PTPRM: variants seen among roughly 807,000 people sequenced by gnomAD.
The protein encoded by PTPRM is receptor-type tyrosine-protein phosphatase mu.
In PTPRM, 47 loss-of-function variants were observed where a neutral mutation model predicts 186.7. The ratio of observed to expected loss-of-function variants is 0.25; its 90% CI spans 0.20 to 0.32. The LOEUF (loss-of-function observed/expected upper bound fraction) is 0.32. Ranked by LOEUF, PTPRM falls within the 10% of genes least tolerant of loss-of-function variation. The pLI is 1.00. For missense variants in PTPRM, 1,494 were observed against 1,865.0 expected (o/e 0.80, Z 3.66); for synonymous variants, 668 against 674.9 (o/e 0.99, Z 0.16).
chr18:8,348,410 C>A (rs2095517160), intron 23 of PTPRM, among the ~76,000 whole-genome samples: 1 of 152,254 alleles, frequency 6.6e-6, no homozygotes, highest in Admixed American at 6.5e-5. Flanking sequence ...CTGACAGGAC[C>A]TGTCATTATC....
chr18:7,604,120 T>C (rs2037472493), intron 1 of PTPRM, among the ~76,000 whole-genome samples: 1 of 152,254 alleles, frequency 6.6e-6, no homozygotes, highest in African/African-American at 2.4e-5. Flanking sequence ...ACATTTATTC[T>C]TTTATTTGAG....
At chr18:7,762,028 G>C (rs2041800801) in intron 1 of PTPRM, among the ~76,000 whole-genome samples, 2 of 152,130 alleles carry the variant, frequency 1.3e-5, no homozygotes, top group African/African-American at 4.8e-5. Context: ...GTTAAATCTA[G>C]CAAGTATTTA....
intron 23 of PTPRM, among the ~76,000 whole-genome samples, chr18:8,352,662 G>GTTGTTTT (rs1568809743): frequency 3.2e-5 from 3 of 93,030 alleles, no homozygotes; most frequent in Admixed American, 1.1e-4. Flanking sequence ...GGTTTTTTTT[G>GTTGTTTT]TTTGTTTGTT....
chr18:8,210,207 A>C (rs1331978674), intron 14 of PTPRM, among the ~76,000 whole-genome samples: 1 of 152,020 alleles, frequency 6.6e-6, no homozygotes, highest in African/African-American at 2.4e-5. Flanking sequence ...GCTTCTCAGG[A>C]GGCTGAGGCA....
chr18:7,923,601 T>C (rs912827100), intron 4 of PTPRM, among the ~76,000 whole-genome samples: 1 of 152,214 alleles, frequency 6.6e-6, no homozygotes, highest in African/African-American at 2.4e-5. Context: ...TAAAGGTTTA[T>C]ATTCCAAATT....
intron 2 of PTPRM, among the ~76,000 whole-genome samples, chr18:7,843,050 C>G (rs561670765): frequency 6.6e-6 from 1 of 150,524 alleles, no homozygotes; most frequent in African/African-American, 2.4e-5. Context: ...ACTATTGATT[C>G]TGTTCCTCTG....
intron 1 of PTPRM, among the ~76,000 whole-genome samples, chr18:7,604,706 C>A (rs2037487580): frequency 6.6e-6 from 1 of 152,202 alleles, no homozygotes; most frequent in Admixed American, 6.5e-5. Flanking sequence ...TAACTGTATA[C>A]AGAAAGGGCC....
chr18:7,862,913 C>T (rs2047467638), intron 2 of PTPRM, among the ~76,000 whole-genome samples: 1 of 152,102 alleles, frequency 6.6e-6, no homozygotes, highest in Non-Finnish European at 1.5e-5. Context: ...GAAGTCACAG[C>T]AGAGTCTTTG....
At chr18:8,196,075 A>T (rs1366331803) in intron 14 of PTPRM, among the ~76,000 whole-genome samples, 1 of 152,258 alleles carries the variant, frequency 6.6e-6, no homozygotes, top group Non-Finnish European at 1.5e-5. Context: ...TTAAAGAACT[A>T]AAATGACTGA....
At chr18:7,847,317 C>T (rs2046645688) in intron 2 of PTPRM, among the ~76,000 whole-genome samples, 1 of 151,826 alleles carries the variant, frequency 6.6e-6, no homozygotes, top group Non-Finnish European at 1.5e-5. Context: ...CAGGCATGTG[C>T]CACCACACCT....
At chr18:7,632,910 T>G (rs546621061) in intron 1 of PTPRM, among the ~76,000 whole-genome samples, 1 of 152,298 alleles carries the variant, frequency 6.6e-6, no homozygotes, top group African/African-American at 2.4e-5. Context: ...GCAGTAACAG[T>G]CTTTCATTAA....
At chr18:8,289,561 C>CACATATATATATATACATATATATAT (rs1568675080) in intron 19 of PTPRM, among the ~76,000 whole-genome samples, 1 of 76,868 alleles carries the variant, frequency 1.3e-5, no homozygotes, top group Admixed American at 1.3e-4. Context: ...CATATATATA[C>CACATATATATATATACATATATATAT]ACATATATAT....
At chr18:8,146,925 G>A (rs978665583) in intron 14 of PTPRM, among the ~76,000 whole-genome samples, 1 of 152,114 alleles carries the variant, frequency 6.6e-6, no homozygotes, top group Non-Finnish European at 1.5e-5. Context: ...CCCATTGCTT[G>A]TTTTTGTCAG....
intron 7 of PTPRM, among the ~76,000 whole-genome samples, chr18:8,017,582 CAAAAAA>C (rs71354586): frequency 3.1e-5 from 2 of 64,716 alleles, no homozygotes; most frequent in South Asian, 8.3e-4. Context: ...GACTCCTTCT[CAAAAAA>C]AAAAAAAAAA....
chr18:8,045,723 A>G (rs568461244), intron 7 of PTPRM, among the ~76,000 whole-genome samples: 2 of 152,288 alleles, frequency 1.3e-5, no homozygotes, highest in African/African-American at 4.8e-5. Context: ...CTTTTTGGAA[A>G]TGTTCCAAAC....
intron 13 of PTPRM, among the ~76,000 whole-genome samples, chr18:8,122,517 A>T (rs369724107): frequency 6.6e-6 from 1 of 152,208 alleles, no homozygotes; most frequent in Non-Finnish European, 1.5e-5. Context: ...CATTAAGTAC[A>T]ACTCCACTGC....
At chr18:7,850,003 G>A (rs2046787618) in intron 2 of PTPRM, among the ~76,000 whole-genome samples, 1 of 152,146 alleles carries the variant, frequency 6.6e-6, no homozygotes, top group Non-Finnish European at 1.5e-5. Context: ...AGACACCTAT[G>A]ACATTGGTAG....
intron 2 of PTPRM, among the ~76,000 whole-genome samples, chr18:7,851,078 C>T (rs548543137): frequency 1.3e-3 from 191 of 152,062 alleles, no homozygotes; most frequent in African/African-American, 4.3e-3. Flanking sequence ...ATGTTAAAAC[C>T]TAGTGAGTTG....
At chr18:8,104,225 T>C (rs375594884) in intron 11 of PTPRM, among the ~76,000 whole-genome samples, 2 of 152,334 alleles carry the variant, frequency 1.3e-5, no homozygotes, top group East Asian at 1.9e-4. Context: ...TGTAAAACTT[T>C]AGTTCAGTAT....
Sources: gnomAD v4.1 joint callset for allele counts (sites outside exome capture counted in the v4.1 genomes callset) on GRCh38, gnomAD v4.1.1 for gene constraint, MANE v1.5 for transcripts, NCBI Gene and HGNC (gene_info 2026-07-23, HGNC 2026-07-21) for gene names.